ZNF320: variants seen among roughly 807,000 people sequenced by gnomAD.
ZNF320 encodes zinc finger gene 320.
A neutral mutation model predicts 6.8 loss-of-function variants in ZNF320; 2 were observed. The ratio of observed to expected loss-of-function variants is 0.29; its 90% confidence interval spans 0.12 to 0.93. The LOEUF is 0.93. ZNF320 is among the 40% of genes least tolerant of loss of function. ZNF320 has a pLI of 0.55. For synonymous variants in ZNF320, 208 were observed against 203.2 expected (o/e 1.02, Z -0.20); for missense variants, 472 against 611.0 (o/e 0.77, Z 2.40).
intron 5 of ZNF320, among the ~76,000 whole-genome samples, chr19:52,884,714 A>T (rs537005991): frequency 6.6e-6 from 1 of 152,288 alleles, no homozygotes; most frequent in African/African-American, 2.4e-5. Flanking sequence ...GGTCTTTGAA[A>T]GTGCTAGGAT....
At chr19:52,874,053 T>C (rs767721657), downstream of ZNF320, 2 of 433,964 alleles carry the variant, frequency 4.6e-6, no homozygotes, top group Non-Finnish European at 9.0e-6. Context: ...TCAAGTAACA[T>C]AAGTCTCTGG....
At chr19:52,895,546 C>T (rs1489571215) in intron 1 of ZNF320, 2 of 152,180 alleles carry the variant, frequency 1.3e-5, no homozygotes, top group African/African-American at 4.8e-5. Flanking sequence ...CACGGTGGCT[C>T]ACACCTGTAA....
In ZNF320 at chr19:52,896,613, G is replaced by A. The variant is rs147109123; in HGVS notation, c.-270+907C>T. 1.4e-3 allele frequency among the ~76,000 whole-genome samples: 207 copies of A among 152,226 alleles called. 1 individual carries two copies. The highest frequency in any genetic ancestry group is 3.8e-3 in the African/African-American group (159 of 41,544). On this transcript the variant is annotated intron_variant, in intron 1 of 5. Transcript: ENST00000682928. ...GGTCCCAGCTACTCTGCAGGCTGAG[G>A]TGACAGGATCGCTTGAGCATAGGAT...
chr19:52,873,717 C>T (rs1487596548), downstream of ZNF320, among the ~76,000 whole-genome samples: 3 of 152,206 alleles, frequency 2.0e-5, no homozygotes, highest in Non-Finnish European at 4.4e-5. Context: ...TGCCCAACAT[C>T]ACTGACACCA....
rs1160338020 is a variant in ZNF320, at chr19:52,878,208, G to A, written c.*2388C>T. On this transcript the variant is annotated 3_prime_UTR_variant, in exon 6 of 6. Coordinates refer to ENST00000682928, the MANE Select transcript of ZNF320 (RefSeq NM_001351774.2). ...ACAGTTGTACCTATAAAACTTATGT[G>A]GATGGTCTGCCTGCCACTCTGTGCA... The A allele has an allele frequency of 5.6e-6, 1 of 177,218 alleles. No individual in the cohort carries two copies. The highest frequency in any genetic ancestry group is 1.2e-5 in the Non-Finnish European group (1 of 82,360). The allele number at this position is 177,218 out of a possible 1,614,324, so 11.0% of individuals were successfully genotyped here.
downstream of ZNF320, among the ~76,000 whole-genome samples, chr19:52,872,823 T>C (rs545122300): frequency 6.6e-5 from 10 of 152,272 alleles, no homozygotes; most frequent in African/African-American, 2.4e-4. Flanking sequence ...TATTGATCAC[T>C]ATCTCTACTA....
At chr19:52,875,692 G>A (rs1313233882), downstream of ZNF320, among the ~76,000 whole-genome samples, 7 of 151,892 alleles carry the variant, frequency 4.6e-5, no homozygotes, top group African/African-American at 1.2e-4. Context: ...GACTGTGGTG[G>A]ATCTTTGGGC....
At position 52,880,525 on chromosome 19, in the gene ZNF320, A is replaced by T. The variant is rs2063881036; in HGVS notation, c.*71T>A. The T allele has an allele frequency of 3.5e-6, 5 of 1,428,346 alleles. No homozygotes were observed. The highest frequency in any genetic ancestry group is 4.8e-6 in the Non-Finnish European group (5 of 1,043,946). The allele number at this position is 1,428,346 out of a possible 1,614,324, so 88.5% of individuals were successfully genotyped here. ...CCAATCCTCTTAACATAAACAGTTT[A>T]ATGTCGATTAATGCTTGAAATCAAT... On this transcript the variant is annotated 3_prime_UTR_variant, in exon 6 of 6. Coordinates refer to ENST00000682928, the MANE Select transcript of ZNF320 (RefSeq NM_001351774.2).
At chr19:52,870,396 G>A (rs1387402182) in intron 5 of ZNF320, among the ~76,000 whole-genome samples, 1 of 149,072 alleles carries the variant, frequency 6.7e-6, no homozygotes, top group African/African-American at 2.5e-5. Context: ...GGAGAATGGT[G>A]TGAACCTGGA....
At chr19:52,889,709 A>T (rs1000832948) in intron 4 of ZNF320, among the ~76,000 whole-genome samples, 1 of 152,278 alleles carries the variant, frequency 6.6e-6, no homozygotes, top group African/African-American at 2.4e-5. Flanking sequence ...TGTATCATTC[A>T]TATCTATGTA....
At chr19:52,897,332 G>A (rs1029556001) in intron 1 of ZNF320, among the ~76,000 whole-genome samples, 188 bp downstream of exon 1, 5 of 152,194 alleles carry the variant, frequency 3.3e-5, no homozygotes, top group African/African-American at 1.2e-4. Context: ...GGTGGGAGGC[G>A]CCTAGGGCTG....
chr19:52,880,494 C>T lies in ZNF320; in HGVS notation c.*102G>A. The stretch of plus-strand genomic sequence containing the variant: ...GGGATTACAGGTGTGAGACACCACG[C>T]CTGGCCCAATCCTCTTAACATAAAC... On this transcript the variant is annotated 3_prime_UTR_variant, in exon 6 of 6. Coordinates refer to ENST00000682928, the MANE Select transcript of ZNF320 (RefSeq NM_001351774.2). 1 of 1,236,636 alleles carries T rather than the reference C, an allele frequency of 8.1e-7. No individual in the cohort carries two copies. Among genetic ancestry groups the T allele is most frequent in the Admixed American group, 2.4e-5 (1 of 41,238 alleles). The allele number at this position is 1,236,636 out of a possible 1,614,324, so 76.6% of individuals were successfully genotyped here.
At chr19:52,891,025 T>C (rs1429783602) in intron 3 of ZNF320, among the ~76,000 whole-genome samples, 1 of 152,134 alleles carries the variant, frequency 6.6e-6, no homozygotes, top group Non-Finnish European at 1.5e-5. Context: ...GGTGGGCATC[T>C]GTAATCCCAG....
chr19:52,875,818 C>A (rs1340205358), downstream of ZNF320, among the ~76,000 whole-genome samples: 2 of 151,956 alleles, frequency 1.3e-5, no homozygotes, highest in Admixed American at 6.6e-5. Context: ...CAATTTTATA[C>A]ACCTGAGCAA....
chr19:52,896,163 G>A (rs1397392996), intron 1 of ZNF320, among the ~76,000 whole-genome samples: 1 of 152,036 alleles, frequency 6.6e-6, no homozygotes, highest in Non-Finnish European at 1.5e-5. Flanking sequence ...CATGATCTCA[G>A]CTCACTGCAA....
downstream of ZNF320, among the ~76,000 whole-genome samples, chr19:52,859,978 T>C (rs1486766398): frequency 6.7e-6 from 1 of 150,144 alleles, no homozygotes; most frequent in Non-Finnish European, 1.5e-5. Context: ...AGTGGCGCAA[T>C]ATCCGCTCAC....
chr19:52,887,023 CAAAAG>C lies in ZNF320; in HGVS notation c.142+1099_142+1103del, dbSNP rs1233129976. 5.8e-5 allele frequency among the ~76,000 whole-genome samples: 6 copies of C among 102,780 alleles called. No individual in the cohort carries two copies. In the South Asian group the frequency reaches 1.4e-3, roughly 24 times the overall value. The allele number at this position is 102,780 out of a possible 152,430, so 67.4% of individuals were successfully genotyped here. ...GAAGGAAGGAAAAGAAAAAACAAAA[CAAAAG>C]AAAAGAAAAGAAGTAAATAAGGAAA... is the stretch of plus-strand genomic sequence containing the variant. On this transcript the variant is annotated intron_variant, in intron 5 of 5. Coordinates refer to ENST00000682928, the MANE Select transcript of ZNF320 (RefSeq NM_001351774.2).
chr19:52,862,387 C>CAAGCTGTG, exon 6 of ZNF320: 1 of 485,008 alleles, frequency 2.1e-6, no homozygotes, highest in Non-Finnish European at 4.2e-6. Context: ...CTATGTCTTT[C>CAAGCTGTG]AAGCTGTGAT....
chr19:52,869,101 C>T (rs149403277), intron 5 of ZNF320, among the ~76,000 whole-genome samples: 2,516 of 151,854 alleles, frequency 0.017, 22 homozygotes, highest in Non-Finnish European at 0.026. Context: ...TTTGTGCATG[C>T]ACCTCTGTGG....
Sources: gnomAD v4.1 joint callset for allele counts (sites outside exome capture counted in the v4.1 genomes callset) on GRCh38, gnomAD v4.1.1 for gene constraint, MANE v1.5 for transcripts, NCBI Gene and HGNC (gene_info 2026-07-23, HGNC 2026-07-21) for gene names.